The following CTNNA3 variants were observed in gnomAD, a reference collection of about 807,000 sequenced individuals.
CTNNA3 encodes catenin alpha 3, also known as catenin alpha-3.
A neutral mutation model predicts 95.7 loss-of-function variants in CTNNA3; 76 were observed. That is an observed-to-expected ratio of 0.79 (90% CI 0.66 to 0.96). The LOEUF is 0.96. Among genes scored for constraint, CTNNA3 ranks in the 40% least tolerant of loss-of-function variants. CTNNA3 has a pLI of 0.00. For missense variants in CTNNA3, 1,191 were observed against 1,089.8 expected (o/e 1.09, Z -1.31); for synonymous variants, 431 against 374.4 (o/e 1.15, Z -1.74).
Position 66,229,103 on chromosome 10 carries a change from CT to C in CTNNA3, c.1884+51366del, listed in dbSNP as rs528606699. ...AATCTATATAGCCCAGTCAGCAAAA[CT>C]TTTAATTTGATAATTTAAACCATTT... On this transcript the variant is annotated intron_variant, in intron 13 of 17. Transcript: ENST00000433211. Among the ~76,000 whole-genome samples, 26 of 152,182 alleles carry C rather than the reference CT, an allele frequency of 1.7e-4. No individual in the cohort carries two copies. The East Asian group carries it at 4.8e-3, about 28-fold the overall frequency.
At chr10:66,242,976 T>C (rs1020256440) in intron 13 of CTNNA3, among the ~76,000 whole-genome samples, 1 of 152,174 alleles carries the variant, frequency 6.6e-6, no homozygotes, top group Non-Finnish European at 1.5e-5. Flanking sequence ...CCCTAACTGA[T>C]AGAATGGATC....
intron 13 of CTNNA3, among the ~76,000 whole-genome samples, chr10:66,113,132 ATCT>A (rs2082181091): frequency 6.6e-6 from 1 of 152,042 alleles, no homozygotes; most frequent in African/African-American, 2.4e-5. Flanking sequence ...ACCAACACTT[ATCT>A]TTTCTGTGGC....
intron 7 of CTNNA3, among the ~76,000 whole-genome samples, chr10:67,138,411 A>C (rs1471067548): frequency 6.6e-6 from 1 of 152,228 alleles, no homozygotes; most frequent in Non-Finnish European, 1.5e-5. Context: ...TAGCAAACTA[A>C]ATAAGTAGAT....
At chr10:67,320,442 T>C (rs1589162538) in intron 5 of CTNNA3, among the ~76,000 whole-genome samples, 2 of 152,182 alleles carry the variant, frequency 1.3e-5, no homozygotes, top group South Asian at 4.1e-4. Context: ...ACAATAGAGA[T>C]AACCAGCAGC....
intron 5 of CTNNA3, among the ~76,000 whole-genome samples, chr10:67,272,564 A>G (rs1017437018): frequency 1.3e-5 from 2 of 152,168 alleles, no homozygotes; most frequent in African/African-American, 4.8e-5. Flanking sequence ...AAAAATAATA[A>G]TAAATAAATA....
chr10:67,525,614 G>A (rs1163350716), intron 4 of CTNNA3, among the ~76,000 whole-genome samples: 1 of 152,082 alleles, frequency 6.6e-6, no homozygotes, highest in Non-Finnish European at 1.5e-5. Flanking sequence ...ATGTAGATTT[G>A]TGGAGTAATT....
intron 13 of CTNNA3, among the ~76,000 whole-genome samples, chr10:66,239,969 CATGGTATAGATATCT>C (rs1407831501): frequency 4.0e-5 from 6 of 151,860 alleles, no homozygotes; most frequent in Admixed American, 6.6e-5. Context: ...GATGGATCTA[CATGGTATAGATATCT>C]ATGGTATAGA....
chr10:67,252,176 C>T (rs544557430), intron 5 of CTNNA3, among the ~76,000 whole-genome samples: 46 of 150,396 alleles, frequency 3.1e-4, no homozygotes, highest in African/African-American at 1.1e-3. Context: ...GTGCCACTGC[C>T]CTCTAACTTG....
intron 7 of CTNNA3, among the ~76,000 whole-genome samples, chr10:66,885,966 C>T (rs181926823): frequency 3.9e-5 from 6 of 152,082 alleles, no homozygotes; most frequent in Admixed American, 3.9e-4. Context: ...GTAAAATATC[C>T]CCTTTCAAAA....
chr10:65,945,977 A>T (rs761129524), intron 17 of CTNNA3, among the ~76,000 whole-genome samples: 5 of 152,108 alleles, frequency 3.3e-5, no homozygotes, highest in Admixed American at 3.3e-4. Context: ...TCAATTTTAC[A>T]TTTTCACTAA....
At chr10:66,115,524 TGATAGATA>T (rs71035110) in intron 13 of CTNNA3, among the ~76,000 whole-genome samples, 3,046 of 137,152 alleles carry the variant, frequency 0.022, 102 homozygotes, top group African/African-American at 0.058. Flanking sequence ...GATAGATAGA[TGATAGATA>T]GATAGATAGA....
chr10:66,447,481 A>C (rs1365208568), intron 11 of CTNNA3, among the ~76,000 whole-genome samples: 1 of 145,968 alleles, frequency 6.9e-6, no homozygotes, highest in Non-Finnish European at 1.5e-5. Context: ...ACAGAGATAT[A>C]GATCAATGGA....
In CTNNA3 at chr10:67,006,797, A is replaced by ATT. The variant is rs36043805; in HGVS notation, c.1047+173518_1047+173519dup. On this transcript the variant is annotated intron_variant, in intron 7 of 17. Coordinates refer to ENST00000433211, the MANE Select transcript of CTNNA3 (RefSeq NM_013266.4). ...TATTTCCTCAAAATTACAGTCTTAAATTTTTTTTTCTTTTGAGATGGAGTC... is the reference window on the plus strand; with the variant it reads ...TATTTCCTCAAAATTACAGTCTTAAATTTTTTTTTTTCTTTTGAGATGGAGTC... Among the ~76,000 whole-genome samples the ATT allele has an allele frequency of 1.1e-4, 17 of 151,142 alleles. 1 individual carries two copies. The highest frequency in any genetic ancestry group is 7.3e-4 in the Admixed American group (11 of 15,154).
intron 5 of CTNNA3, among the ~76,000 whole-genome samples, chr10:67,489,865 T>C (rs568618554): frequency 6.6e-6 from 1 of 151,664 alleles, no homozygotes; most frequent in East Asian, 1.9e-4. Flanking sequence ...TTTGGACATG[T>C]TGAGCTTGAA....
At chr10:66,787,428 G>A (rs1268989679) in intron 7 of CTNNA3, among the ~76,000 whole-genome samples, 1 of 152,050 alleles carries the variant, frequency 6.6e-6, no homozygotes, top group Non-Finnish European at 1.5e-5. Context: ...AGGGGGTGAG[G>A]TTGGACAGAA....
At chr10:66,037,375 C>G (rs2079587194) in intron 15 of CTNNA3, among the ~76,000 whole-genome samples, 1 of 152,146 alleles carries the variant, frequency 6.6e-6, no homozygotes, top group South Asian at 2.1e-4. Context: ...AGATTTTAAG[C>G]TGCCAAATAT....
intron 13 of CTNNA3, among the ~76,000 whole-genome samples, chr10:66,162,088 A>C (rs1303432737): frequency 6.6e-6 from 1 of 151,540 alleles, no homozygotes; most frequent in Admixed American, 6.6e-5. Context: ...ATTTTCTTGA[A>C]TATTTCTCCC....
chr10:67,712,704 A>G (rs978827524), intron 1 of CTNNA3, among the ~76,000 whole-genome samples: 2 of 152,218 alleles, frequency 1.3e-5, no homozygotes, highest in Non-Finnish European at 2.9e-5. Context: ...CTATTTAATA[A>G]ATGTGTTGGG....
chr10:67,409,847 C>CA (rs1426090332), intron 5 of CTNNA3, among the ~76,000 whole-genome samples: 16 of 152,038 alleles, frequency 1.1e-4, no homozygotes, highest in Admixed American at 1.0e-3. Flanking sequence ...GTTAAAAAGT[C>CA]AAAAAATAAC....
Sources: gnomAD v4.1 joint callset for allele counts (sites outside exome capture counted in the v4.1 genomes callset) on GRCh38, gnomAD v4.1.1 for gene constraint, MANE v1.5 for transcripts, NCBI Gene and HGNC (gene_info 2026-07-23, HGNC 2026-07-21) for gene names.